COX17: variants seen among roughly 807,000 people sequenced by gnomAD.
COX17 encodes cytochrome c oxidase copper chaperone COX17.
A neutral mutation model predicts 6.3 loss-of-function variants in COX17; 1 was observed. The ratio of observed to expected loss-of-function variants is 0.16; its 90% CI spans 0.06 to 0.75. The LOEUF is 0.75. Among genes scored for constraint, COX17 ranks in the 30% least tolerant of loss-of-function variants. The probability of loss-of-function intolerance (pLI) is 0.77; values close to 1 mark genes in which losing one functional copy is unlikely to be tolerated. For synonymous variants in COX17, 26 were observed against 30.5 expected (o/e 0.85, Z 0.49); for missense variants, 73 against 81.2 (o/e 0.90, Z 0.39).
downstream of COX17, chr3:119,669,255 A>AC: frequency 6.6e-6 from 1 of 151,516 alleles, no homozygotes; most frequent in Non-Finnish European, 1.5e-5. Flanking sequence ...AAAGTTAAAA[A>AC]AAAAAAAAAA....
At chr3:119,666,839 T>C (rs934825587), downstream of COX17, 30 of 152,190 alleles carry the variant, frequency 2.0e-4, no homozygotes, top group Admixed American at 1.6e-3. Context: ...TAAGTATGCA[T>C]TAAGTGAATT....
At chr3:119,667,602 A>G (rs1279909731), downstream of COX17, among the ~76,000 whole-genome samples, 1 of 151,908 alleles carries the variant, frequency 6.6e-6, no homozygotes. Context: ...TGATTAGTAA[A>G]GGACACTTGT....
At chr3:119,676,595 A>G in intron 1 of COX17, 2 of 380,528 alleles carry the variant, frequency 5.3e-6, no homozygotes, top group Non-Finnish European at 9.8e-6. Context: ...TTGTCTTAAA[A>G]GGGTTGAAGC....
downstream of COX17, among the ~76,000 whole-genome samples, chr3:119,668,097 A>G (rs576842506): frequency 6.6e-6 from 1 of 152,314 alleles, no homozygotes; most frequent in Admixed American, 6.5e-5. Flanking sequence ...CTTAGGGGCA[A>G]AACATGATAA....
intron 2 of COX17, 122 bp downstream of exon 2, chr3:119,675,023 G>T (rs114438965): frequency 1.5e-6 from 1 of 680,410 alleles, no homozygotes; most frequent in Non-Finnish European, 2.5e-6. Context: ...AAAAATCATG[G>T]TTTTTTCAAA....
chr3:119,670,752 TTGTG>T (rs10542008), intron 2 of COX17, among the ~76,000 whole-genome samples: 28,472 of 149,442 alleles, frequency 0.19, 2,935 homozygotes, highest in South Asian at 0.35. Flanking sequence ...ATGATCAGTT[TTGTG>T]TGTGTGTGTG....
chr3:119,676,290 C>A (rs1444076589), intron 1 of COX17, among the ~76,000 whole-genome samples: 1 of 152,196 alleles, frequency 6.6e-6, no homozygotes, highest in Non-Finnish European at 1.5e-5. Flanking sequence ...TCTTTCAATC[C>A]TACCCGTATT....
chr3:119,676,663 G>C, intron 1 of COX17: 1 of 568,648 alleles, frequency 1.8e-6, no homozygotes. Context: ...TAAATTTTGG[G>C]AGAAAGCCTT....
intron 1 of COX17, chr3:119,675,590 T>C (rs1187876007): frequency 1.8e-5 from 3 of 168,772 alleles, no homozygotes; most frequent in Non-Finnish European, 3.8e-5. Context: ...TTTTGCTTAT[T>C]ATCACAGAGA....
intron 1 of COX17, among the ~76,000 whole-genome samples, chr3:119,676,349 T>C (rs573727965): frequency 6.6e-6 from 1 of 152,356 alleles, no homozygotes; most frequent in East Asian, 1.9e-4. Context: ...CCTACACTCT[T>C]ATTATCCCAT....
intron 2 of COX17, chr3:119,674,650 T>C (rs545464958): frequency 1.3e-5 from 2 of 153,830 alleles, no homozygotes; most frequent in African/African-American, 4.8e-5. Flanking sequence ...CACAAAAAAT[T>C]AGCCAGGCAC....
At chr3:119,670,962 A>G (rs1055597835) in intron 2 of COX17, among the ~76,000 whole-genome samples, 2 of 152,112 alleles carry the variant, frequency 1.3e-5, no homozygotes, top group Admixed American at 1.3e-4. Context: ...CTATTTCCTC[A>G]TATTTCTAAT....
At chr3:119,673,670 CTT>C (rs1312455162) in intron 2 of COX17, among the ~76,000 whole-genome samples, 1 of 152,130 alleles carries the variant, frequency 6.6e-6, no homozygotes, top group African/African-American at 2.4e-5. Flanking sequence ...AATAAGGAGA[CTT>C]TTGAAAGAGA....
downstream of COX17, among the ~76,000 whole-genome samples, chr3:119,667,950 T>A (rs769801025): frequency 1.3e-5 from 2 of 152,174 alleles, no homozygotes; most frequent in Non-Finnish European, 2.9e-5. Flanking sequence ...TATGAAGTAT[T>A]TGTTTAATGA....
chr3:119,677,336 C>T lies in COX17; in HGVS notation c.-26G>A, dbSNP rs760501748. ...CTTTCGCGCCAAAAGCAGCTATGAG[C>T]GGAGACAGCCAAATCTATGCCAGCC... On this transcript the variant is annotated 5_prime_UTR_variant, in exon 1 of 3. Transcript: ENST00000261070. The T allele has an allele frequency of 9.5e-6, 15 of 1,584,074 alleles. No homozygotes were observed. Among genetic ancestry groups the T allele is most frequent in the Admixed American group, 1.7e-5 (1 of 58,974 alleles).
intron 1 of COX17, among the ~76,000 whole-genome samples, chr3:119,676,451 T>C (rs149875796): frequency 3.8e-4 from 58 of 152,338 alleles, no homozygotes; most frequent in African/African-American, 1.2e-3. Flanking sequence ...TCTGAGGACG[T>C]CCTCTAATGA....
downstream of COX17, among the ~76,000 whole-genome samples, chr3:119,666,676 A>G (rs2052995257): frequency 6.6e-6 from 1 of 152,174 alleles, no homozygotes; most frequent in African/African-American, 2.4e-5. Context: ...GGTAGAGTCT[A>G]TGTCTTACTA....
chr3:119,670,461 T>C (rs978341293), intron 2 of COX17, among the ~76,000 whole-genome samples: 6 of 152,210 alleles, frequency 3.9e-5, no homozygotes, highest in South Asian at 4.1e-4. Flanking sequence ...TAGAAAAGTT[T>C]GGAAAGATAA....
At chr3:119,667,528 T>TG (rs2053003190), downstream of COX17, among the ~76,000 whole-genome samples, 2 of 152,094 alleles carry the variant, frequency 1.3e-5, no homozygotes, top group Admixed American at 1.3e-4. Context: ...AGAGATCACT[T>TG]GGGGGCAGTC....
Sources: gnomAD v4.1 joint callset for allele counts (sites outside exome capture counted in the v4.1 genomes callset) on GRCh38, gnomAD v4.1.1 for gene constraint, MANE v1.5 for transcripts, NCBI Gene and HGNC (gene_info 2026-07-23, HGNC 2026-07-21) for gene names.